Variants in LSAMP observed in about 807,000 individuals in gnomAD.
LSAMP encodes the protein limbic system-associated membrane protein.
Under a neutral mutation model 38.6 loss-of-function variants are expected in LSAMP, and 7 were observed. That is an observed-to-expected ratio of 0.18 (90% CI 0.10 to 0.34). LSAMP has a LOEUF of 0.34. Ranked by LOEUF, LSAMP falls within the 10% of genes least tolerant of loss-of-function variation. LSAMP has a pLI of 1.00. For missense variants in LSAMP, 313 were observed against 420.0 expected, an observed-to-expected ratio of 0.75 and a Z score of 2.23; for synonymous variants, 154 against 166.8, an observed-to-expected ratio of 0.92 and a Z score of 0.59.
chr3:115,992,383 T>G (rs956766348), intron 3 of LSAMP, among the ~76,000 whole-genome samples: 1 of 152,046 alleles, frequency 6.6e-6, no homozygotes, highest in African/African-American at 2.4e-5. Context: ...ATTTTTAAAT[T>G]ATTTTTTCCT....
At chr3:116,368,005 C>T (rs2048378940) in intron 1 of LSAMP, 1 of 152,174 alleles carries the variant, frequency 6.6e-6, no homozygotes, top group Non-Finnish European at 1.5e-5. Context: ...AACGAACATT[C>T]TCTTAAACTA....
chr3:116,037,171 T>C (rs1371770809), intron 2 of LSAMP, among the ~76,000 whole-genome samples: 2 of 152,210 alleles, frequency 1.3e-5, no homozygotes, highest in Non-Finnish European at 1.5e-5. Context: ...CAGTTTCCCA[T>C]AGTGAAACAA....
In LSAMP at chr3:116,122,647, A is replaced by G. The variant is rs530235604; in HGVS notation, c.156-36091T>C. Among the ~76,000 whole-genome samples the G allele has an allele frequency of 1.2e-4, 19 of 152,350 alleles. No homozygotes were observed. In the South Asian group the frequency reaches 3.5e-3, roughly 28 times the overall value. The stretch of plus-strand genomic sequence containing the variant: ...TTACCATTACTTAGAAAGTTGTGTG[A>G]GTACTCTTTAAATATTTATTAAATA... On this transcript the variant is annotated intron_variant, in intron 1 of 6. Transcript: ENST00000490035.
intron 2 of LSAMP, among the ~76,000 whole-genome samples, chr3:116,070,753 T>G (rs1428378325): frequency 2.6e-5 from 4 of 152,104 alleles, no homozygotes; most frequent in African/African-American, 9.7e-5. Context: ...TTAAAAATAA[T>G]GTACCTGCCG....
At chr3:116,285,760 T>C (rs2047187358) in intron 1 of LSAMP, among the ~76,000 whole-genome samples, 1 of 152,116 alleles carries the variant, frequency 6.6e-6, no homozygotes, top group African/African-American at 2.4e-5. Flanking sequence ...CAATGGAAAA[T>C]AAAAAGAAAT....
At chr3:116,441,934 T>C (rs924450247) in intron 1 of LSAMP, among the ~76,000 whole-genome samples, 12 of 152,218 alleles carry the variant, frequency 7.9e-5, no homozygotes, top group Non-Finnish European at 1.5e-5. Context: ...TTATCTTTAG[T>C]TCTTTATATA....
chr3:116,248,971 C>A (rs965017593), intron 1 of LSAMP, among the ~76,000 whole-genome samples: 1 of 151,952 alleles, frequency 6.6e-6, no homozygotes, highest in South Asian at 2.1e-4. Context: ...GATGGTGAGA[C>A]CCTGTCTCTA....
At chr3:116,142,785 T>C (rs901195003) in intron 1 of LSAMP, among the ~76,000 whole-genome samples, 17 of 151,908 alleles carry the variant, frequency 1.1e-4, no homozygotes, top group Non-Finnish European at 1.0e-4. Context: ...AGGTTTCATC[T>C]GAATAACAAC....
intron 1 of LSAMP, among the ~76,000 whole-genome samples, chr3:116,109,748 A>G (rs540958615): frequency 1.1e-4 from 17 of 151,932 alleles, no homozygotes; most frequent in South Asian, 6.2e-4. Flanking sequence ...GCTGAGGGAG[A>G]AGGAGGAGGA....
At chr3:116,423,298 ATC>A (rs1255077970) in intron 1 of LSAMP, among the ~76,000 whole-genome samples, 3 of 152,218 alleles carry the variant, frequency 2.0e-5, no homozygotes, top group Non-Finnish European at 4.4e-5. Flanking sequence ...CAGATCAGGC[ATC>A]TGAGACTTTT....
At chr3:116,002,847 AG>A (rs2107661816) in intron 3 of LSAMP, among the ~76,000 whole-genome samples, 1 of 152,266 alleles carries the variant, frequency 6.6e-6, no homozygotes, top group Non-Finnish European at 1.5e-5. Flanking sequence ...CACAACCATT[AG>A]GGTTTAAATA....
intron 1 of LSAMP, among the ~76,000 whole-genome samples, chr3:116,113,414 A>ATT (rs1559747939): frequency 1.5e-5 from 1 of 67,958 alleles, no homozygotes; most frequent in African/African-American, 6.5e-5. Flanking sequence ...ATATATATAT[A>ATT]TATATATTTT....
chr3:116,271,634 T>TAACA (rs1258720651), intron 1 of LSAMP, among the ~76,000 whole-genome samples: 17 of 152,082 alleles, frequency 1.1e-4, no homozygotes, highest in South Asian at 6.3e-4. Flanking sequence ...TCTACTCTAC[T>TAACA]AACAGTAGAA....
intron 3 of LSAMP, among the ~76,000 whole-genome samples, chr3:116,013,128 G>T (rs1478376469): frequency 2.0e-5 from 3 of 152,184 alleles, no homozygotes; most frequent in Non-Finnish European, 4.4e-5. Flanking sequence ...TTCTCTTCAG[G>T]CAGAGTGCTC....
intron 2 of LSAMP, among the ~76,000 whole-genome samples, chr3:116,024,787 GTAT>G (rs914850972): frequency 6.0e-5 from 9 of 150,548 alleles, no homozygotes; most frequent in Admixed American, 1.3e-4. Context: ...GAAGTAAAAT[GTAT>G]TATTATTATT....
At position 116,108,241 on chromosome 3, in the gene LSAMP, A is replaced by G. The variant is rs535242526; in HGVS notation, c.156-21685T>C. ...AGGGCAGCAATGAGATGCAGCTGTA[A>G]TCCAGGAATAGTCAGGGAAGCAGAT... is the stretch of plus-strand genomic sequence containing the variant. On this transcript the variant is annotated intron_variant, in intron 1 of 6. Transcript: ENST00000490035. 3.9e-3 allele frequency among the ~76,000 whole-genome samples: 595 copies of G among 152,262 alleles called. 3 individuals are homozygous for G. Among genetic ancestry groups the G allele is most frequent in the African/African-American group, 0.014 (573 of 41,540 alleles).
chr3:116,008,841 C>T (rs908675883), intron 3 of LSAMP, among the ~76,000 whole-genome samples: 3 of 152,196 alleles, frequency 2.0e-5, no homozygotes, highest in Admixed American at 6.5e-5. Flanking sequence ...ACCTGTAGTC[C>T]AGGGCTTTTC....
intron 1 of LSAMP, among the ~76,000 whole-genome samples, chr3:116,197,763 G>A (rs943525773): frequency 6.6e-6 from 1 of 151,902 alleles, no homozygotes; most frequent in African/African-American, 2.4e-5. Flanking sequence ...GTCTTTTCTG[G>A]GCATCTACTG....
chr3:116,109,440 G>A (rs1006275058), intron 1 of LSAMP, among the ~76,000 whole-genome samples: 32 of 152,158 alleles, frequency 2.1e-4, no homozygotes, highest in Admixed American at 4.6e-4. Flanking sequence ...TGGGACTGAG[G>A]CGACAGGCGG....
Sources: allele counts gnomAD v4.1 joint callset (sites outside exome capture counted in the v4.1 genomes callset), GRCh38; gene constraint gnomAD v4.1.1; transcripts MANE v1.5; gene names NCBI Gene and HGNC (gene_info 2026-07-23, HGNC 2026-07-21).